Variants in BMPER observed in about 807,000 individuals in gnomAD.
BMPER encodes BMP-binding endothelial regulator protein.
BMPER carries 45 observed loss-of-function variants against 87.3 expected under a neutral mutation model. That is an observed-to-expected ratio of 0.52 (90% CI 0.41 to 0.66). The LOEUF (loss-of-function observed/expected upper bound fraction) is 0.66, where lower values mean the gene tolerates loss of function less well. Among genes scored for constraint, BMPER ranks in the 30% least tolerant of loss-of-function variants. The probability of loss-of-function intolerance (pLI) is 0.00; values close to 1 mark genes in which losing one functional copy is unlikely to be tolerated. For synonymous variants in BMPER, 326 were observed against 316.2 expected (o/e 1.03, Z -0.33); for missense variants, 784 against 867.5 (o/e 0.90, Z 1.21).
chr7:34,041,348 T>C (rs533489888), intron 6 of BMPER, among the ~76,000 whole-genome samples: 56 of 152,268 alleles, frequency 3.7e-4, no homozygotes, highest in Non-Finnish European at 5.6e-4. Context: ...CACTACCTAT[T>C]GGAGGTGTCC....
upstream of BMPER, chr7:33,905,176 C>T (rs1783774292): frequency 1.5e-5 from 4 of 265,140 alleles, no homozygotes; most frequent in South Asian, 1.2e-4. Flanking sequence ...GACGCTGCGG[C>T]AGCGACAGCG....
intron 13 of BMPER, among the ~76,000 whole-genome samples, chr7:34,128,825 T>C (rs1253509280): frequency 6.6e-6 from 1 of 152,194 alleles, no homozygotes; most frequent in East Asian, 1.9e-4. Flanking sequence ...ATGAGATTCC[T>C]AAAAAGCTAC....
At chr7:34,141,602 C>T in intron 13 of BMPER, among the ~76,000 whole-genome samples, 1 of 102,028 alleles carries the variant, frequency 9.8e-6, no homozygotes, top group East Asian at 2.6e-4. Context: ...AAGAGTGAAA[C>T]ACCATCTCAA....
At chr7:33,943,865 A>G (rs776446301) in intron 3 of BMPER, among the ~76,000 whole-genome samples, 9 of 152,120 alleles carry the variant, frequency 5.9e-5, no homozygotes, top group African/African-American at 1.2e-4. Context: ...TACCAGGGAT[A>G]TGTTCCTCCC....
intron 5 of BMPER, among the ~76,000 whole-genome samples, chr7:33,970,960 C>A (rs574691062): frequency 1.3e-5 from 2 of 152,212 alleles, no homozygotes; most frequent in African/African-American, 4.8e-5. Flanking sequence ...TGGAACGTTT[C>A]CTTTTACTTT....
chr7:34,076,412 G>A (rs896780968), intron 11 of BMPER, among the ~76,000 whole-genome samples: 11 of 152,162 alleles, frequency 7.2e-5, no homozygotes, highest in African/African-American at 2.7e-4. Flanking sequence ...ATTTTGGGGT[G>A]TGTATGTTTT....
At chr7:34,062,952 A>G (rs1788478511) in intron 11 of BMPER, among the ~76,000 whole-genome samples, 1 of 152,202 alleles carries the variant, frequency 6.6e-6, no homozygotes, top group Admixed American at 6.5e-5. Context: ...CTATTCTGAA[A>G]ACTGTCTGAG....
chr7:34,021,241 G>T (rs1787178973), intron 6 of BMPER, among the ~76,000 whole-genome samples: 2 of 151,968 alleles, frequency 1.3e-5, no homozygotes, highest in South Asian at 4.2e-4. Flanking sequence ...AACACTGAAT[G>T]ATCAATTGTA....
intron 6 of BMPER, among the ~76,000 whole-genome samples, chr7:33,978,411 T>A (rs1000802495): frequency 4.6e-5 from 7 of 152,240 alleles, no homozygotes; most frequent in African/African-American, 1.4e-4. Context: ...TGACACCATG[T>A]GAGCTACCAT....
At chr7:33,916,297 A>G (rs2128603079) in intron 2 of BMPER, among the ~76,000 whole-genome samples, 1 of 152,336 alleles carries the variant, frequency 6.6e-6, no homozygotes, top group Non-Finnish European at 1.5e-5. Context: ...CCAATTTACA[A>G]ACAACGAATC....
intron 12 of BMPER, among the ~76,000 whole-genome samples, chr7:34,084,965 C>A (rs1049161963): frequency 6.6e-6 from 1 of 152,226 alleles, no homozygotes; most frequent in Non-Finnish European, 1.5e-5. Context: ...CCTTGATGAA[C>A]CAGCAGTACT....
At chr7:34,108,833 T>C (rs1017642396) in intron 13 of BMPER, among the ~76,000 whole-genome samples, 5 of 152,224 alleles carry the variant, frequency 3.3e-5, no homozygotes, top group Non-Finnish European at 5.9e-5. Context: ...AAATACTTCC[T>C]TGAATATTAC....
At chr7:34,064,915 T>G (rs144097400) in intron 11 of BMPER, among the ~76,000 whole-genome samples, 68 of 152,336 alleles carry the variant, frequency 4.5e-4, no homozygotes, top group African/African-American at 1.6e-3. Flanking sequence ...CTTAACACAT[T>G]CAGGTAGATT....
At chr7:34,133,598 G>T (rs1005210001) in intron 13 of BMPER, among the ~76,000 whole-genome samples, 1 of 152,180 alleles carries the variant, frequency 6.6e-6, no homozygotes, top group Non-Finnish European at 1.5e-5. Context: ...CAAGAAGGGG[G>T]TTGTGGAAAC....
chr7:34,084,257 C>T (rs952840458), intron 12 of BMPER, among the ~76,000 whole-genome samples: 4 of 152,144 alleles, frequency 2.6e-5, no homozygotes, highest in Admixed American at 2.0e-4. Context: ...GCTGAGATCG[C>T]ACCACTGCAC....
At chr7:34,046,583 C>T (rs543263657) in intron 7 of BMPER, among the ~76,000 whole-genome samples, 178 bp downstream of exon 7, 3 of 152,296 alleles carry the variant, frequency 2.0e-5, no homozygotes, top group African/African-American at 4.8e-5. Context: ...TGCTTCTTAA[C>T]GGAGACCTCC....
chr7:34,141,477 G>A (rs28488905), intron 13 of BMPER, among the ~76,000 whole-genome samples: 17 of 152,102 alleles, frequency 1.1e-4, no homozygotes, highest in Admixed American at 3.3e-4. Context: ...CTGGCATGGT[G>A]GTGGGCACCT....
chr7:34,127,193 G>A (rs1790427613), intron 13 of BMPER, among the ~76,000 whole-genome samples: 1 of 152,150 alleles, frequency 6.6e-6, no homozygotes, highest in South Asian at 2.1e-4. Context: ...GGCTGAAGTT[G>A]GATGCATGTC....
intron 13 of BMPER, among the ~76,000 whole-genome samples, chr7:34,125,204 A>T (rs1790370622): frequency 6.6e-6 from 1 of 152,150 alleles, no homozygotes; most frequent in Non-Finnish European, 1.5e-5. Flanking sequence ...ATATAAAATT[A>T]TTATAATTCT....
Sources: gnomAD v4.1 joint callset for allele counts (sites outside exome capture counted in the v4.1 genomes callset) on GRCh38, gnomAD v4.1.1 for gene constraint, MANE v1.5 for transcripts, NCBI Gene and HGNC (gene_info 2026-07-23, HGNC 2026-07-21) for gene names.